Variants in CRACD observed in about 807,000 individuals in gnomAD.
The protein encoded by CRACD is capping protein inhibiting regulator of actin dynamics, also known as capping protein-inhibiting regulator of actin dynamics.
Under a neutral mutation model 106.8 loss-of-function variants are expected in CRACD, and 56 were observed. That is an observed-to-expected ratio of 0.52 (90% CI 0.42 to 0.66). CRACD has a LOEUF of 0.66. CRACD is among the 30% of genes least tolerant of loss of function. The probability of loss-of-function intolerance (pLI) is 0.00; values close to 1 mark genes in which losing one functional copy is unlikely to be tolerated. For synonymous variants in CRACD, 754 were observed against 670.8 expected, an observed-to-expected ratio of 1.12 and a Z score of -1.92; for missense variants, 1,730 against 1,623.2, an observed-to-expected ratio of 1.07 and a Z score of -1.13.
At chr4:56,283,463 A>G (rs1743151308) in intron 3 of CRACD, among the ~76,000 whole-genome samples, 1 of 152,028 alleles carries the variant, frequency 6.6e-6, no homozygotes, top group Non-Finnish European at 1.5e-5. Flanking sequence ...CTCTGGTAGG[A>G]CATAGTGCCT....
intron 1 of CRACD, among the ~76,000 whole-genome samples, chr4:56,079,327 A>G (rs982580545): frequency 1.3e-5 from 2 of 151,256 alleles, no homozygotes; most frequent in African/African-American, 4.9e-5. Context: ...ATTTCAAAAA[A>G]ATTTTAATTG....
chr4:56,125,764 CTTTTTTT>C (rs11289899), intron 1 of CRACD, among the ~76,000 whole-genome samples: 4 of 73,300 alleles, frequency 5.5e-5, no homozygotes, highest in South Asian at 6.3e-4. Context: ...CATTCTTCTT[CTTTTTTT>C]TTTTTTTTTT....
intron 2 of CRACD, among the ~76,000 whole-genome samples, chr4:56,229,238 G>A (rs1197567842): frequency 6.6e-6 from 1 of 152,194 alleles, no homozygotes; most frequent in Non-Finnish European, 1.5e-5. Flanking sequence ...GATGATATTA[G>A]AAGGTGGGGC....
intron 4 of CRACD, among the ~76,000 whole-genome samples, chr4:56,298,935 A>G (rs1744206801): frequency 6.6e-6 from 1 of 151,992 alleles, no homozygotes; most frequent in Non-Finnish European, 1.5e-5. Flanking sequence ...TCTCTCCCCA[A>G]CAACAACAAC....
chr4:56,105,927 A>AT lies in CRACD; in HGVS notation c.-336+56644dup, dbSNP rs11314733. ...GGCCTTTGGCAAAGTTGAGAAATAG[A>AT]TTTTTTTTTTTTTTTTAGTTTCTCT... On this transcript the variant is annotated intron_variant, in intron 1 of 10. Coordinates refer to ENST00000682029, the MANE Select transcript of CRACD (RefSeq NM_001393381.1). Among the ~76,000 whole-genome samples the AT allele has an allele frequency of 6.7e-3, 956 of 143,324 alleles. 8 individuals carry two copies. The highest frequency in any genetic ancestry group is 0.013 in the South Asian group (56 of 4,460). The allele number at this position is 143,324 out of a possible 152,430, so 94.0% of individuals were successfully genotyped here. A position where few individuals can be genotyped will look rare whatever the true frequency, so the allele number is the denominator to read the frequency against.
At chr4:56,303,096 G>C (rs1231329725) in intron 4 of CRACD, among the ~76,000 whole-genome samples, 1 of 152,182 alleles carries the variant, frequency 6.6e-6, no homozygotes, top group African/African-American at 2.4e-5. Context: ...TATAATTCGA[G>C]CACTCTGGGA....
chr4:56,307,121 A>T (rs1483606744), intron 4 of CRACD, among the ~76,000 whole-genome samples: 1 of 152,236 alleles, frequency 6.6e-6, no homozygotes, highest in Non-Finnish European at 1.5e-5. Flanking sequence ...AGTGGTTCCT[A>T]CATTTCATGT....
At chr4:56,059,164 T>G (rs1732184636) in intron 1 of CRACD, among the ~76,000 whole-genome samples, 1 of 152,154 alleles carries the variant, frequency 6.6e-6, no homozygotes, top group African/African-American at 2.4e-5. Context: ...CCAGCAAGGC[T>G]TGGTGGCGCC....
chr4:56,193,143 C>A (rs1737458876), intron 2 of CRACD, among the ~76,000 whole-genome samples: 1 of 152,196 alleles, frequency 6.6e-6, no homozygotes, highest in Admixed American at 6.5e-5. Flanking sequence ...TACATGGCGG[C>A]AGGCAAGAGA....
In CRACD at chr4:56,172,876, C is replaced by G. The variant is rs539688372; in HGVS notation, c.-335-6408C>G. Among the ~76,000 whole-genome samples, 13 of 152,292 alleles carry G rather than the reference C, an allele frequency of 8.5e-5. No homozygotes were observed. The East Asian group carries it at 2.1e-3, about 25-fold the overall frequency. On this transcript the variant is annotated intron_variant, in intron 1 of 10. Coordinates refer to ENST00000682029, the MANE Select transcript of CRACD (RefSeq NM_001393381.1). Reference sequence around the variant, plus strand: ...TGACCTCATGATCTGCCCACCTCAGCCTCCCAAAGTGCTGGATTACGGGCA... The same window carrying G: ...TGACCTCATGATCTGCCCACCTCAGGCTCCCAAAGTGCTGGATTACGGGCA...
rs146846797 is a variant in CRACD, at chr4:56,199,037, G to A, written c.-189+19607G>A. ...TTTTCATCTCCTCTGGAATGGAGTGGCATTTTGGGGGCAGTCAACCCTGAC... is the reference window on the plus strand; with the variant it reads ...TTTTCATCTCCTCTGGAATGGAGTGACATTTTGGGGGCAGTCAACCCTGAC... On this transcript the variant is annotated intron_variant, in intron 2 of 10. Coordinates refer to ENST00000682029, the MANE Select transcript of CRACD (RefSeq NM_001393381.1). 7.7e-3 allele frequency among the ~76,000 whole-genome samples: 1,174 copies of A among 152,168 alleles called. 20 individuals carry two copies. Among genetic ancestry groups the A allele is most frequent in the African/African-American group, 0.026 (1,093 of 41,502 alleles).
chr4:56,176,576 C>A (rs1736593540), intron 1 of CRACD, among the ~76,000 whole-genome samples: 1 of 151,844 alleles, frequency 6.6e-6, no homozygotes, highest in African/African-American at 2.4e-5. Flanking sequence ...CTACAGGCAC[C>A]CACTACCACG....
chr4:56,268,897 A>G (rs1742188092), intron 2 of CRACD, among the ~76,000 whole-genome samples: 1 of 152,242 alleles, frequency 6.6e-6, no homozygotes, highest in Non-Finnish European at 1.5e-5. Context: ...AAGAACCTAA[A>G]GTAGGTGTCA....
chr4:56,313,107 G>A (rs1477799308), intron 6 of CRACD, 90 bp from the exon 7 acceptor site: 16 of 1,174,954 alleles, frequency 1.4e-5, no homozygotes, highest in Non-Finnish European at 1.7e-5. Context: ...GCTGGGCGAG[G>A]CGCACACTGG....
chr4:56,316,746 C>T, intron 8 of CRACD, 57 bp downstream of exon 8: 1 of 1,436,626 alleles, frequency 7.0e-7, no homozygotes, highest in South Asian at 1.5e-5. Flanking sequence ...GCCAGGGCAT[C>T]AAGAAGAGAT....
At chr4:56,066,919 G>A (rs1366355135) in intron 1 of CRACD, among the ~76,000 whole-genome samples, 1 of 152,132 alleles carries the variant, frequency 6.6e-6, no homozygotes, top group Admixed American at 6.5e-5. Flanking sequence ...GATGGTGATA[G>A]GAGAAAGCAG....
At chr4:56,171,462 C>CG (rs1736361884) in intron 1 of CRACD, among the ~76,000 whole-genome samples, 1 of 152,102 alleles carries the variant, frequency 6.6e-6, no homozygotes, top group South Asian at 2.1e-4. Context: ...AGATCAGAGA[C>CG]TGGTGGGTGT....
chr4:56,160,228 G>C (rs1212554174), intron 1 of CRACD, among the ~76,000 whole-genome samples: 2 of 148,402 alleles, frequency 1.3e-5, no homozygotes, highest in African/African-American at 5.0e-5. Flanking sequence ...TGTCGCCCAG[G>C]CTGGAGTGCA....
At chr4:56,079,470 G>A (rs1177287172) in intron 1 of CRACD, among the ~76,000 whole-genome samples, 1 of 150,678 alleles carries the variant, frequency 6.6e-6, no homozygotes, top group African/African-American at 2.4e-5. Flanking sequence ...TTTTGAGATG[G>A]GGTTTTGTTC....
Sources: gnomAD v4.1 joint callset for allele counts (sites outside exome capture counted in the v4.1 genomes callset) on GRCh38, gnomAD v4.1.1 for gene constraint, MANE v1.5 for transcripts, NCBI Gene and HGNC (gene_info 2026-07-23, HGNC 2026-07-21) for gene names.